Variants in TRIM71 observed in about 807,000 individuals in gnomAD.
TRIM71 encodes E3 ubiquitin-protein ligase TRIM71.
A neutral mutation model predicts 61.2 loss-of-function variants in TRIM71; 9 were observed. The observed-to-expected ratio is 0.15, with a 90% CI of 0.09 to 0.26. The LOEUF is 0.26. TRIM71 is among the 10% of genes least tolerant of loss of function. TRIM71 has a pLI of 1.00. For synonymous variants in TRIM71, 645 were observed against 553.2 expected, an observed-to-expected ratio of 1.17 and a Z score of -2.33; for missense variants, 998 against 1,238.7, an observed-to-expected ratio of 0.81 and a Z score of 2.92.
chr3:32,846,494 T>G (rs28576253), intron 1 of TRIM71, among the ~76,000 whole-genome samples: 3 of 152,326 alleles, frequency 2.0e-5, no homozygotes, highest in Admixed American at 6.5e-5. Context: ...TAGATACTTA[T>G]GTTTTTTGTA....
intron 1 of TRIM71, among the ~76,000 whole-genome samples, chr3:32,828,784 C>T (rs1372499704): frequency 2.0e-5 from 3 of 152,042 alleles, no homozygotes; most frequent in Non-Finnish European, 4.4e-5. Context: ...CAGGCGTGAG[C>T]CACCTCATCT....
Position 32,854,304 on chromosome 3 carries a change from C to T in TRIM71, c.853-19514C>T, listed in dbSNP as rs1053216563. On this transcript the variant is annotated intron_variant, in intron 1 of 3. Coordinates refer to ENST00000383763, the MANE Select transcript of TRIM71 (RefSeq NM_001039111.3). ...CCACTGCGTGCCTGGCCTACATTCC[C>T]ATTTTAATAGTTTTGTTCTCTAGCA... Among the ~76,000 whole-genome samples the T allele has an allele frequency of 2.0e-5, 3 of 152,334 alleles. No individual in the cohort carries two copies. In the East Asian group the frequency reaches 5.8e-4, roughly 29 times the overall value.
rs1697026344 is a variant in TRIM71, at chr3:32,891,661, G to A, written c.2457G>A (p.Gln819=). Reference sequence around the variant, plus strand: ...CGGATTCCAGGAACCATCGGGTACAGATGTTTGAATCCAACGGCAGCTTCC... The same window carrying A: ...CGGATTCCAGGAACCATCGGGTACAAATGTTTGAATCCAACGGCAGCTTCC... ...IVADSRNHRV[Q]MFESNGSFLC... is the part of the protein sequence containing the mutation. The change falls in exon 4 of 4, where the codon CAG becomes CAA. Residue 819 remains glutamine, a synonymous_variant. Transcript: ENST00000383763. This position sits in a 1 kb window ranked among gnomAD's most constrained non-coding sequence, Gnocchi z 8.2. 6.8e-6 allele frequency: 11 copies of A among 1,613,846 alleles called. No homozygotes were observed. Among genetic ancestry groups the A allele is most frequent in the Admixed American group, 1.7e-5 (1 of 59,986 alleles).
chr3:32,859,062 T>C (rs897886008), intron 1 of TRIM71, among the ~76,000 whole-genome samples: 1 of 152,182 alleles, frequency 6.6e-6, no homozygotes, highest in Admixed American at 6.5e-5. Context: ...CTTCGTGACC[T>C]GCTCAGTCTG....
chr3:32,866,273 G>C (rs146585540), intron 1 of TRIM71, among the ~76,000 whole-genome samples: 1 of 151,994 alleles, frequency 6.6e-6, no homozygotes, highest in African/African-American at 2.4e-5. Context: ...TTTTGAGATG[G>C]AGTCTTGCTC....
At chr3:32,819,838 A>ATTTTC (rs1696107774) in intron 1 of TRIM71, among the ~76,000 whole-genome samples, 1 of 152,228 alleles carries the variant, frequency 6.6e-6, no homozygotes, top group African/African-American at 2.4e-5. Flanking sequence ...ACTTCCTTGG[A>ATTTTC]AAAGACCAAG....
At chr3:32,856,238 C>T (rs1289520979) in intron 1 of TRIM71, among the ~76,000 whole-genome samples, 1 of 152,038 alleles carries the variant, frequency 6.6e-6, no homozygotes, top group Non-Finnish European at 1.5e-5. Flanking sequence ...AGGATGGTCT[C>T]GATCTCCTGA....
intron 1 of TRIM71, among the ~76,000 whole-genome samples, chr3:32,867,461 A>G (rs1192373839): frequency 6.6e-6 from 1 of 152,114 alleles, no homozygotes; most frequent in Non-Finnish European, 1.5e-5. Flanking sequence ...ATATACATAC[A>G]TATTTTTGAG....
chr3:32,821,854 G>A (rs1196912329), intron 1 of TRIM71, among the ~76,000 whole-genome samples: 1 of 151,822 alleles, frequency 6.6e-6, no homozygotes, highest in East Asian at 1.9e-4. Flanking sequence ...GCCTGCCTCG[G>A]CTCTGGGGAC....
chr3:32,864,845 G>GTT (rs1368060325), intron 1 of TRIM71, among the ~76,000 whole-genome samples: 29 of 146,442 alleles, frequency 2.0e-4, no homozygotes, highest in African/African-American at 7.4e-4. Context: ...AAAATTAAGT[G>GTT]GTGTGTGTGT....
chr3:32,852,243 C>T (rs775979212), intron 1 of TRIM71, among the ~76,000 whole-genome samples: 1 of 152,044 alleles, frequency 6.6e-6, no homozygotes, highest in African/African-American at 2.4e-5. Context: ...GCCGGAGGCA[C>T]ATCCTGGAGA....
At chr3:32,839,662 G>T (rs113391313) in intron 1 of TRIM71, among the ~76,000 whole-genome samples, 60 of 44,394 alleles carry the variant, frequency 1.4e-3, no homozygotes, top group Middle Eastern at 0.014. Context: ...AGCTTTTTTT[G>T]GGGGGGGGGT....
intron 1 of TRIM71, among the ~76,000 whole-genome samples, chr3:32,861,292 T>C (rs1326335181): frequency 6.6e-6 from 1 of 150,478 alleles, no homozygotes; most frequent in Non-Finnish European, 1.5e-5. Flanking sequence ...TTCTCCTGCC[T>C]CAGCCTCCTG....
chr3:32,874,846 A>G (rs990244564), intron 2 of TRIM71, among the ~76,000 whole-genome samples: 2 of 150,850 alleles, frequency 1.3e-5, no homozygotes, highest in African/African-American at 2.4e-5. Context: ...TTGAGACAAG[A>G]GTCTCACTCT....
chr3:32,880,903 A>G (rs1321498439), intron 2 of TRIM71, among the ~76,000 whole-genome samples: 1 of 152,204 alleles, frequency 6.6e-6, no homozygotes, highest in Non-Finnish European at 1.5e-5. Context: ...TTAAGATGCC[A>G]TTAATTGTAA....
At chr3:32,826,582 CTTT>C (rs71068090) in intron 1 of TRIM71, among the ~76,000 whole-genome samples, 32 of 83,090 alleles carry the variant, frequency 3.9e-4, no homozygotes, top group Admixed American at 1.3e-3. Flanking sequence ...CAGGTGAGTT[CTTT>C]TTTTTTTTTT....
At chr3:32,831,091 C>T (rs1374006680) in intron 1 of TRIM71, among the ~76,000 whole-genome samples, 2 of 152,222 alleles carry the variant, frequency 1.3e-5, no homozygotes, top group South Asian at 2.1e-4. Flanking sequence ...AGCCACTGTG[C>T]CTGCCTGCAA....
In TRIM71 at chr3:32,831,536, C is replaced by CTTTTTTT. The variant is rs71068093; in HGVS notation, c.852+12618_852+12624dup. Among the ~76,000 whole-genome samples the CTTTTTTT allele has an allele frequency of 9.3e-5, 9 of 96,700 alleles. 1 individual carries two copies. The highest frequency in any genetic ancestry group is 1.2e-4 in the Non-Finnish European group (6 of 48,418). 63.4% of individuals were successfully genotyped at this position (96,700 alleles called of 152,430 possible). On this transcript the variant is annotated intron_variant, in intron 1 of 3. Transcript: ENST00000383763. ...AAATTAAATAATGTTGCTTATCTTC[C>CTTTTTTT]TTTTTTTTTTTTTTTTTTTTGAGAC...
chr3:32,872,145 T>C (rs931231387), intron 1 of TRIM71, among the ~76,000 whole-genome samples: 26 of 152,062 alleles, frequency 1.7e-4, no homozygotes, highest in Admixed American at 1.1e-3. Context: ...AGCAAGACTC[T>C]GTCTCAAAAA....
Sources: gnomAD v4.1 joint callset for allele counts (sites outside exome capture counted in the v4.1 genomes callset) on GRCh38, gnomAD v4.1.1 for gene constraint, Gnocchi (gnomAD v3.1) non-coding constraint, MANE v1.5 for transcripts, NCBI Gene and HGNC (gene_info 2026-07-23, HGNC 2026-07-21) for gene names.